Variants in CNTNAP5 observed in about 807,000 individuals in gnomAD.
CNTNAP5 encodes contactin-associated protein-like 5.
CNTNAP5 carries 72 observed loss-of-function variants against 150.2 expected under a neutral mutation model. That is an observed-to-expected ratio of 0.48 (90% CI 0.40 to 0.58). The LOEUF (loss-of-function observed/expected upper bound fraction) is 0.58. CNTNAP5 is among the 20% of genes least tolerant of loss of function. The pLI is 0.00. For synonymous variants in CNTNAP5, 672 were observed against 619.8 expected, an observed-to-expected ratio of 1.08 and a Z score of -1.25; for missense variants, 1,636 against 1,626.2, an observed-to-expected ratio of 1.01 and a Z score of -0.10.
chr2:124,706,798 G>GA (rs1558743008), intron 13 of CNTNAP5, among the ~76,000 whole-genome samples: 173 of 7,258 alleles, frequency 0.024, 1 homozygote, highest in Middle Eastern at 0.11. Context: ...GAAGAAGAAG[G>GA]AGGAGGAGGA....
intron 19 of CNTNAP5, among the ~76,000 whole-genome samples, chr2:124,825,280 C>A (rs1056988874): frequency 6.6e-6 from 1 of 152,114 alleles, no homozygotes; most frequent in Admixed American, 6.6e-5. Flanking sequence ...CAGTAATTTA[C>A]CTGTTTCCAA....
chr2:124,108,687 T>C (rs1163273945), intron 1 of CNTNAP5, among the ~76,000 whole-genome samples: 2 of 152,174 alleles, frequency 1.3e-5, no homozygotes, highest in Non-Finnish European at 2.9e-5. Context: ...TAGATAATAT[T>C]ATTTTCTAAC....
chr2:124,661,510 T>C (rs35433415), intron 13 of CNTNAP5, among the ~76,000 whole-genome samples: 40,367 of 151,946 alleles, frequency 0.27, 6,265 homozygotes, highest in Non-Finnish European at 0.35. Context: ...TTGTCTCTTA[T>C]TATAACAATG....
chr2:124,797,972 G>T, intron 18 of CNTNAP5, 124 bp from the exon 19 acceptor site: 1 of 647,386 alleles, frequency 1.5e-6, no homozygotes, highest in Non-Finnish European at 2.7e-6. Flanking sequence ...GGAACATGTT[G>T]TCTGATGCAT....
intron 13 of CNTNAP5, among the ~76,000 whole-genome samples, chr2:124,660,078 G>GGAAGGAAA (rs1360571269): frequency 2.0e-5 from 3 of 151,298 alleles, no homozygotes; most frequent in African/African-American, 7.3e-5. Flanking sequence ...AAGGAAGGAA[G>GGAAGGAAA]GAAGGGAGGG....
In CNTNAP5 at chr2:124,676,980, T is replaced by C. The variant is rs529482923; in HGVS notation, c.2077+29022T>C. On this transcript the variant is annotated intron_variant, in intron 13 of 23. Coordinates refer to ENST00000682447, the MANE Select transcript of CNTNAP5 (RefSeq NM_001367498.1). Reference sequence around the variant, plus strand: ...TACTGGGAAGTGTGGAGCATCTCAGTTCTTGACATTTTGGAAGACATAATA... The same window carrying C: ...TACTGGGAAGTGTGGAGCATCTCAGCTCTTGACATTTTGGAAGACATAATA... Among the ~76,000 whole-genome samples, 10 of 152,332 alleles carry C rather than the reference T, an allele frequency of 6.6e-5. No homozygotes were observed. The South Asian group carries it at 1.7e-3, about 25-fold the overall frequency.
chr2:124,276,625 T>A (rs1401651173), intron 3 of CNTNAP5, among the ~76,000 whole-genome samples: 2 of 152,138 alleles, frequency 1.3e-5, no homozygotes, highest in African/African-American at 4.8e-5. Flanking sequence ...ACTTCCCAAG[T>A]CTAAAGCTGA....
At chr2:124,361,657 T>A in intron 3 of CNTNAP5, among the ~76,000 whole-genome samples, 1 of 139,600 alleles carries the variant, frequency 7.2e-6, no homozygotes. Flanking sequence ...GAGGAGGCAG[T>A]CTGCCGGTTC....
At position 124,736,614 on chromosome 2, in the gene CNTNAP5, G is replaced by T. The variant is rs572292349; in HGVS notation, c.2078-10615G>T. Among the ~76,000 whole-genome samples, 5 of 152,238 alleles carry T rather than the reference G, an allele frequency of 3.3e-5. No individual in the cohort carries two copies. The East Asian group carries it at 9.7e-4, about 29-fold the overall frequency. On this transcript the variant is annotated intron_variant, in intron 13 of 23. Coordinates refer to ENST00000682447, the MANE Select transcript of CNTNAP5 (RefSeq NM_001367498.1). ...ACTTATAGGAAGCATTTATTCAAAG[G>T]CTTAATAGATGTCTCTTTTTGGAGA...
intron 3 of CNTNAP5, among the ~76,000 whole-genome samples, chr2:124,255,330 C>A (rs811901): frequency 0.33 from 50,571 of 151,802 alleles, 8,808 homozygotes; most frequent in Admixed American, 0.41. Context: ...CGAGACAATC[C>A]TGGCCAACAT....
At chr2:124,722,847 G>T (rs1210972092) in intron 13 of CNTNAP5, among the ~76,000 whole-genome samples, 1 of 152,146 alleles carries the variant, frequency 6.6e-6, no homozygotes, top group African/African-American at 2.4e-5. Flanking sequence ...CTTGCAGCTA[G>T]ATAGCTCTAT....
rs147918663 is a variant in CNTNAP5 at position 124,919,496 on chromosome 2, T to C, written c.*5208T>C. Among the ~76,000 whole-genome samples the C allele has an allele frequency of 8.6e-4, 131 of 152,170 alleles. 1 individual carries two copies. The highest frequency in any genetic ancestry group is 3.0e-3 in the African/African-American group (125 of 41,558). ...GGTTTCAACCACACCTGCTGCGAACTTGACGAGGAGGAAGAGGGGCCAGTG... is the reference window on the plus strand; with the variant it reads ...GGTTTCAACCACACCTGCTGCGAACCTGACGAGGAGGAAGAGGGGCCAGTG... On this transcript the variant is annotated 3_prime_UTR_variant, in exon 24 of 24. Transcript: ENST00000682447.
chr2:124,151,648 C>T (rs1257922698), intron 1 of CNTNAP5, among the ~76,000 whole-genome samples: 1 of 152,192 alleles, frequency 6.6e-6, no homozygotes, highest in African/African-American at 2.4e-5. Context: ...GCCTAAGGCC[C>T]TTAAGAATAT....
chr2:124,622,540 TG>T (rs1238551385), intron 12 of CNTNAP5, among the ~76,000 whole-genome samples: 1 of 152,126 alleles, frequency 6.6e-6, no homozygotes, highest in African/African-American at 2.4e-5. Flanking sequence ...TTTGGGGAAT[TG>T]CCACACTGTA....
intron 1 of CNTNAP5, among the ~76,000 whole-genome samples, chr2:124,125,537 T>C (rs964662486): frequency 2.6e-5 from 4 of 152,080 alleles, no homozygotes; most frequent in Admixed American, 2.0e-4. Context: ...ATCCAGGAAT[T>C]GAACTCAGAT....
chr2:124,065,794 C>T (rs1428039633), intron 1 of CNTNAP5, among the ~76,000 whole-genome samples: 1 of 152,256 alleles, frequency 6.6e-6, no homozygotes, highest in South Asian at 2.1e-4. Flanking sequence ...GGTTGAGCTA[C>T]AATCCACAAA....
intron 7 of CNTNAP5, among the ~76,000 whole-genome samples, chr2:124,493,161 G>A (rs986890737): frequency 2.0e-5 from 3 of 151,848 alleles, no homozygotes; most frequent in East Asian, 1.9e-4. Context: ...CACCTAAATC[G>A]TTAAGAGTTT....
intron 1 of CNTNAP5, among the ~76,000 whole-genome samples, chr2:124,067,836 T>C (rs997057970): frequency 6.6e-6 from 1 of 152,224 alleles, no homozygotes; most frequent in Non-Finnish European, 1.5e-5. Context: ...AGTTAGACTA[T>C]ACTTTCCTAT....
At chr2:124,185,392 A>G (rs149477431) in intron 1 of CNTNAP5, among the ~76,000 whole-genome samples, 2 of 152,214 alleles carry the variant, frequency 1.3e-5, no homozygotes, top group Non-Finnish European at 2.9e-5. Flanking sequence ...TCTTAGTATT[A>G]GGCGTATAAA....
Sources: gnomAD v4.1 joint callset for allele counts (sites outside exome capture counted in the v4.1 genomes callset) on GRCh38, gnomAD v4.1.1 for gene constraint, MANE v1.5 for transcripts, NCBI Gene and HGNC (gene_info 2026-07-23, HGNC 2026-07-21) for gene names.